Variants in SMYD3 observed in about 807,000 individuals in gnomAD.
SMYD3 encodes histone-lysine N-methyltransferase SMYD3.
SMYD3 carries 36 observed loss-of-function variants against 57.7 expected under a neutral mutation model. The observed-to-expected ratio is 0.62, with a 90% CI of 0.48 to 0.82. The LOEUF (loss-of-function observed/expected upper bound fraction) is 0.82, where lower values mean the gene tolerates loss of function less well. Ranked by LOEUF, SMYD3 falls within the 40% of genes least tolerant of loss-of-function variation. The probability of loss-of-function intolerance (pLI) is 0.00; values close to 1 mark genes in which losing one functional copy is unlikely to be tolerated. For synonymous variants in SMYD3, 211 were observed against 195.0 expected (o/e 1.08, Z -0.68); for missense variants, 515 against 538.8 (o/e 0.96, Z 0.44).
chr1:246,315,266 G>A (rs1308658131), intron 5 of SMYD3, among the ~76,000 whole-genome samples: 1 of 152,102 alleles, frequency 6.6e-6, no homozygotes, highest in African/African-American at 2.4e-5. Flanking sequence ...TAAGAAAAAA[G>A]GACAGACAAC....
At chr1:246,231,968 T>C (rs1317014949) in intron 5 of SMYD3, among the ~76,000 whole-genome samples, 2 of 152,218 alleles carry the variant, frequency 1.3e-5, no homozygotes, top group Admixed American at 6.5e-5. Flanking sequence ...CTAATTTTGC[T>C]ATGGCAACAG....
At chr1:246,110,252 T>A (rs953562694) in intron 5 of SMYD3, among the ~76,000 whole-genome samples, 2 of 152,130 alleles carry the variant, frequency 1.3e-5, no homozygotes, top group African/African-American at 4.8e-5. Flanking sequence ...CTTAGACAAG[T>A]CATTTAACCA....
intron 1 of SMYD3, among the ~76,000 whole-genome samples, chr1:246,384,194 A>G (rs1385997556): frequency 6.6e-6 from 1 of 152,168 alleles, no homozygotes; most frequent in African/African-American, 2.4e-5. Flanking sequence ...ATTATCCTTC[A>G]GATATCTTTT....
chr1:246,210,966 G>C (rs10802347), intron 5 of SMYD3, among the ~76,000 whole-genome samples: 1 of 151,868 alleles, frequency 6.6e-6, no homozygotes, highest in Non-Finnish European at 1.5e-5. Flanking sequence ...TCCCAGGCGC[G>C]TCTGCTGTGA....
intron 5 of SMYD3, among the ~76,000 whole-genome samples, chr1:246,059,361 GA>G (rs1404930972): frequency 2.0e-5 from 3 of 151,992 alleles, no homozygotes; most frequent in Non-Finnish European, 4.4e-5. Flanking sequence ...ATCAAATTAA[GA>G]TGACTTTAAG....
At chr1:246,325,320 G>GTCGGGGGGGCGGGAAGGAGGGGAA in intron 5 of SMYD3, among the ~76,000 whole-genome samples, 1 of 147,260 alleles carries the variant, frequency 6.8e-6, no homozygotes, top group Non-Finnish European at 1.5e-5. Context: ...AAGGAGGGGA[G>GTCGGGGGGGCGGGAAGGAGGGGAA]TGATTTAAGG....
chr1:246,286,957 GC>G (rs2064581191), intron 5 of SMYD3, among the ~76,000 whole-genome samples: 1 of 149,326 alleles, frequency 6.7e-6, no homozygotes, highest in Admixed American at 6.8e-5. Flanking sequence ...TGCAACCTCC[GC>G]CCCCTAGGTT....
chr1:245,831,992 C>T (rs970738230), intron 10 of SMYD3, among the ~76,000 whole-genome samples: 1 of 152,192 alleles, frequency 6.6e-6, no homozygotes, highest in East Asian at 1.9e-4. Flanking sequence ...AAGCTCACTG[C>T]CTTTCTTGGA....
chr1:245,869,575 T>C (rs1322910373), intron 8 of SMYD3, among the ~76,000 whole-genome samples: 1 of 152,176 alleles, frequency 6.6e-6, no homozygotes, highest in Admixed American at 6.5e-5. Flanking sequence ...ATCGTAGAGC[T>C]AGTTTATGAA....
intron 5 of SMYD3, among the ~76,000 whole-genome samples, chr1:246,059,813 G>A (rs1361901245): frequency 6.6e-6 from 1 of 152,148 alleles, no homozygotes; most frequent in Non-Finnish European, 1.5e-5. Context: ...AAACTGGTAA[G>A]AGCCCAATCA....
At chr1:246,268,690 C>T (rs551808769) in intron 5 of SMYD3, among the ~76,000 whole-genome samples, 15 of 151,120 alleles carry the variant, frequency 9.9e-5, no homozygotes, top group East Asian at 3.9e-4. Context: ...AGTGACAGAA[C>T]GAGACACCAT....
chr1:245,900,463 A>G (rs994225784), intron 8 of SMYD3, among the ~76,000 whole-genome samples: 8 of 152,304 alleles, frequency 5.3e-5, no homozygotes, highest in African/African-American at 1.7e-4. Flanking sequence ...TGGAAGCATC[A>G]GTCATCTTCA....
chr1:246,135,951 T>C (rs1412967870), intron 5 of SMYD3, among the ~76,000 whole-genome samples: 2 of 152,204 alleles, frequency 1.3e-5, no homozygotes, highest in Non-Finnish European at 2.9e-5. Flanking sequence ...AAAATCATCC[T>C]TTATTCACTT....
At chr1:246,502,806 AT>A (rs1373362300) in intron 1 of SMYD3, among the ~76,000 whole-genome samples, 60 of 152,252 alleles carry the variant, frequency 3.9e-4, no homozygotes, top group African/African-American at 1.4e-3. Flanking sequence ...GCTGGCTCTC[AT>A]CCCTGGAGTC....
chr1:246,371,059 A>G (rs1350064189), intron 1 of SMYD3, among the ~76,000 whole-genome samples: 1 of 152,204 alleles, frequency 6.6e-6, no homozygotes, highest in African/African-American at 2.4e-5. Flanking sequence ...TAATATTAAA[A>G]GGCAATTACA....
chr1:246,045,717 T>G (rs1432548634), intron 5 of SMYD3, among the ~76,000 whole-genome samples: 1 of 152,152 alleles, frequency 6.6e-6, no homozygotes, highest in African/African-American at 2.4e-5. Flanking sequence ...GGAGAAAATT[T>G]TTATAATCTA....
rs529387130 is a variant in SMYD3 at position 245,790,179 on chromosome 1, T to C, written c.1077-26030A>G. 1.1e-4 allele frequency among the ~76,000 whole-genome samples: 17 copies of C among 152,288 alleles called. 1 individual carries two copies. The South Asian group carries it at 2.9e-3, about 26-fold the overall frequency. On this transcript the variant is annotated intron_variant, in intron 10 of 11. Transcript: ENST00000490107. The stretch of plus-strand genomic sequence containing the variant: ...GAAAAACTTAGAAGAGACACTTTCA[T>C]TGGGGGCTGGTAGATGAGTAAAAAT...
intron 11 of SMYD3, among the ~76,000 whole-genome samples, chr1:245,754,438 G>T (rs1447995875): frequency 2.0e-5 from 3 of 152,072 alleles, no homozygotes; most frequent in Non-Finnish European, 2.9e-5. Context: ...AATAAAGCAG[G>T]TTTTCTTATT....
intron 5 of SMYD3, among the ~76,000 whole-genome samples, chr1:245,987,449 T>A (rs2058725934): frequency 6.6e-6 from 1 of 151,802 alleles, no homozygotes; most frequent in Admixed American, 6.6e-5. Context: ...GTAAAAAAGA[T>A]CTAGAAAAAA....
Sources: allele counts gnomAD v4.1 joint callset (sites outside exome capture counted in the v4.1 genomes callset), GRCh38; gene constraint gnomAD v4.1.1; transcripts MANE v1.5; gene names NCBI Gene and HGNC (gene_info 2026-07-23, HGNC 2026-07-21).